Variants in TCAIM observed in about 807,000 individuals in gnomAD.
The protein encoded by TCAIM is T-cell activation inhibitor, mitochondrial.
TCAIM carries 36 observed loss-of-function variants against 58.6 expected under a neutral mutation model. That is an observed-to-expected ratio of 0.61 (90% CI 0.47 to 0.81). The LOEUF (loss-of-function observed/expected upper bound fraction) is 0.81. Ranked by LOEUF, TCAIM falls within the 30% of genes least tolerant of loss-of-function variation. TCAIM has a pLI of 0.00. For synonymous variants in TCAIM, 172 were observed against 193.6 expected (o/e 0.89, Z 0.93); for missense variants, 466 against 579.6 (o/e 0.80, Z 2.01).
At chr3:44,350,675 G>C (rs1317452072) in intron 1 of TCAIM, among the ~76,000 whole-genome samples, 1 of 152,070 alleles carries the variant, frequency 6.6e-6, no homozygotes, top group Non-Finnish European at 1.5e-5. Context: ...CAATACTCCT[G>C]CTGCAGCCTC....
chr3:44,351,449 A>G (rs1459661336), intron 1 of TCAIM, among the ~76,000 whole-genome samples: 1 of 151,936 alleles, frequency 6.6e-6, no homozygotes, highest in Non-Finnish European at 1.5e-5. Flanking sequence ...ATCAATGTGC[A>G]TGGTTTAAAA....
chr3:44,401,849 A>G (rs545839467), intron 10 of TCAIM, among the ~76,000 whole-genome samples: 52 of 151,942 alleles, frequency 3.4e-4, no homozygotes, highest in African/African-American at 1.2e-3. Flanking sequence ...CTTGGCCAAC[A>G]TGGTGAAACC....
intron 5 of TCAIM, among the ~76,000 whole-genome samples, chr3:44,378,673 T>C (rs948409892): frequency 6.6e-6 from 1 of 151,574 alleles, no homozygotes; most frequent in Non-Finnish European, 1.5e-5. Flanking sequence ...TAGCCAGGCA[T>C]GGTGGCAGGT....
At chr3:44,366,061 CAGATTTA>C (rs1160054427) in intron 4 of TCAIM, among the ~76,000 whole-genome samples, 1 of 152,198 alleles carries the variant, frequency 6.6e-6, no homozygotes, top group Non-Finnish European at 1.5e-5. Context: ...GGTGTCAACT[CAGATTTA>C]AGCCCTGGCT....
chr3:44,358,183 C>CATGATCAAT, intron 3 of TCAIM: 2 of 1,557,104 alleles, frequency 1.3e-6, no homozygotes, highest in Non-Finnish European at 1.7e-6. Flanking sequence ...CCTTTATTAT[C>CATGATCAAT]ATGATCAATC....
At position 44,407,875 on chromosome 3, in the gene TCAIM, C is replaced by A; in HGVS notation, c.*193C>A. The stretch of plus-strand genomic sequence containing the variant: ...TATATGCCAGGCGTGGTGGCTCATG[C>A]CTGCGGTCCCAGCTACTTAGGGAGG... On this transcript the variant is annotated 3_prime_UTR_variant, in exon 11 of 11. Transcript: ENST00000342649. 1 of 538,654 alleles carries A rather than the reference C, an allele frequency of 1.9e-6. No homozygotes were observed. The highest frequency in any genetic ancestry group is 3.0e-6 in the Non-Finnish European group (1 of 334,812). 33.4% of individuals were successfully genotyped at this position (538,654 alleles called of 1,614,324 possible). A position where few individuals can be genotyped will look rare whatever the true frequency, so the allele number is the denominator to read the frequency against.
chr3:44,387,524 G>A (rs1246255599), intron 5 of TCAIM, among the ~76,000 whole-genome samples: 3 of 152,216 alleles, frequency 2.0e-5, no homozygotes, highest in African/African-American at 7.2e-5. Flanking sequence ...TGGTACACCT[G>A]GTCAGCTGCA....
At position 44,346,103 on chromosome 3, in the gene TCAIM, TAAAAGTA is replaced by T. The variant is rs145354633; in HGVS notation, c.-45+7270_-45+7276del. 7.7e-3 allele frequency among the ~76,000 whole-genome samples: 1,171 copies of T among 152,296 alleles called. 14 individuals are homozygous for T. Among genetic ancestry groups the T allele is most frequent in the African/African-American group, 0.027 (1,129 of 41,556 alleles). ...CCCGAATTCTGAGAAGGGCAAGTGG[TAAAAGTA>T]TTGTCCAGTCCTTTTTAAGTTGGAG... On this transcript the variant is annotated intron_variant, in intron 1 of 10. Transcript: ENST00000342649.
At position 44,351,241 on chromosome 3, in the gene TCAIM, G is replaced by A. The variant is rs999708807; in HGVS notation, c.-44-3498G>A. 3.3e-5 allele frequency among the ~76,000 whole-genome samples: 5 copies of A among 151,488 alleles called. No individual in the cohort carries two copies. In the South Asian group the frequency reaches 8.4e-4, roughly 25 times the overall value. On this transcript the variant is annotated intron_variant, in intron 1 of 10. Coordinates refer to ENST00000342649, the MANE Select transcript of TCAIM (RefSeq NM_173826.4). ...TGACCTCAGTTGATCCACCTCCCTC[G>A]GCCTCCCAAAGTGCTGGGGACCCAA...
rs780162174 is a variant in TCAIM, at chr3:44,346,534, G to A, written c.-45+7700G>A. On this transcript the variant is annotated intron_variant, in intron 1 of 10. Transcript: ENST00000342649. ...GGGAGAGGGCCTGAACAATCCCTGAGGAGTAGTAGAATAGCAGATGGAACA... is the reference window on the plus strand; with the variant it reads ...GGGAGAGGGCCTGAACAATCCCTGAAGAGTAGTAGAATAGCAGATGGAACA... Among the ~76,000 whole-genome samples the A allele has an allele frequency of 2.6e-5, 4 of 152,282 alleles. No homozygotes were observed. The East Asian group carries it at 7.7e-4, about 29-fold the overall frequency.
rs777586346 is a variant in TCAIM at position 44,392,993 on chromosome 3, G to A, written c.695+16G>A. Reference sequence around the variant, plus strand: ...CAGATATCAGGTAAGAAAGAAGAGAGAACCTAATTTAGAAATTGAAATGAA... The same window carrying A: ...CAGATATCAGGTAAGAAAGAAGAGAAAACCTAATTTAGAAATTGAAATGAA... On this transcript the variant is annotated intron_variant, in intron 6 of 10. Coordinates refer to ENST00000342649, the MANE Select transcript of TCAIM (RefSeq NM_173826.4). 1.9e-6 allele frequency: 3 copies of A among 1,593,010 alleles called. No individual in the cohort carries two copies. Among genetic ancestry groups the A allele is most frequent in the Admixed American group, 1.8e-5 (1 of 54,646 alleles).
At position 44,367,555 on chromosome 3, in the gene TCAIM, G is replaced by C. The variant is rs1164048427; in HGVS notation, c.419G>C (p.Ser140Thr). ...SCSLSVEHIQ[S>T]LNTNMHTQPL... ...AGTTTATCTGTTGAACATATCCAAA[G>C]CTTGAATACTAATATGCATACCCAG... The change falls in exon 5 of 11, where the codon AGC becomes ACC. Residue 140 changes from serine to threonine, a missense_variant. Physicochemically the swap from Ser to Thr is moderately conservative, Grantham distance 58. Transcript: ENST00000342649. 2 of 1,614,044 alleles carry C rather than the reference G, an allele frequency of 1.2e-6. No individual in the cohort carries two copies. Among genetic ancestry groups the C allele is most frequent in the Non-Finnish European group, 8.5e-7 (1 of 1,180,010 alleles).
rs1461750153 is a variant in TCAIM, at chr3:44,407,539, G to A, written c.1348G>A (p.Val450Met). 1 of 1,613,648 alleles carries A rather than the reference G, an allele frequency of 6.2e-7. No individual in the cohort carries two copies. Among genetic ancestry groups the A allele is most frequent in the African/African-American group, 1.3e-5 (1 of 74,916 alleles). Reference protein sequence around the residue: ...KEPSISSIQMVDCCKRLLEQS... With the variant: ...KEPSISSIQMMDCCKRLLEQS... The stretch of plus-strand genomic sequence containing the variant: ...GCCCAGCATTTCTAGTATACAAATG[G>A]TGGATTGTTGTAAGAGACTTCTAGA... Residue 450 changes from valine (V) to methionine (M), a missense_variant, in exon 11 of 11, where the codon GTG (valine) becomes ATG (methionine). By Grantham distance (21) the Val-to-Met change is conservative (BLOSUM62 1). Coordinates refer to ENST00000342649, the MANE Select transcript of TCAIM (RefSeq NM_173826.4).
intron 5 of TCAIM, among the ~76,000 whole-genome samples, chr3:44,389,781 G>T (rs1271437064): frequency 6.6e-6 from 1 of 151,484 alleles, no homozygotes; most frequent in Non-Finnish European, 1.5e-5. Flanking sequence ...TCACCTAGAG[G>T]ATAAGCTTCC....
intron 5 of TCAIM, among the ~76,000 whole-genome samples, chr3:44,370,219 T>C (rs1278091659): frequency 6.6e-6 from 1 of 152,100 alleles, no homozygotes; most frequent in Non-Finnish European, 1.5e-5. Flanking sequence ...AAAAATGCCT[T>C]GGGAGGCCGA....
intron 6 of TCAIM, among the ~76,000 whole-genome samples, chr3:44,394,401 G>A (rs115981013): frequency 0.011 from 1,747 of 152,122 alleles, 38 homozygotes; most frequent in African/African-American, 0.04. Context: ...ACTAAAAATA[G>A]TAAGATCATT....
intron 5 of TCAIM, among the ~76,000 whole-genome samples, chr3:44,374,524 G>A (rs1701534672): frequency 1.3e-5 from 2 of 152,126 alleles, no homozygotes; most frequent in Admixed American, 1.3e-4. Flanking sequence ...GGGAGGCCAA[G>A]GCGGGAGGAT....
chr3:44,380,249 C>A (rs1701634016), intron 5 of TCAIM, among the ~76,000 whole-genome samples: 1 of 151,970 alleles, frequency 6.6e-6, no homozygotes, highest in Non-Finnish European at 1.5e-5. Context: ...AATCATCAAT[C>A]GTGTATTTCA....
At position 44,400,897 on chromosome 3, in the gene TCAIM, T is replaced by C. The variant is rs1256780597; in HGVS notation, c.1119-306T>C. The C allele has an allele frequency of 6.2e-6, 3 of 483,374 alleles. No individual in the cohort carries two copies. The East Asian group carries it at 1.2e-4, about 19-fold the overall frequency. The allele number at this position is 483,374 out of a possible 1,614,324, so 29.9% of individuals were successfully genotyped here. On this transcript the variant is annotated intron_variant, in intron 9 of 10. Transcript: ENST00000342649. ...TAGCCAACATTTGTGGTGTATACAC[T>C]GTTTGCCGAGCACTGTGCTGGGTAC...
Sources: gnomAD v4.1 joint callset for allele counts (sites outside exome capture counted in the v4.1 genomes callset) on GRCh38, gnomAD v4.1.1 for gene constraint, MANE v1.5 for transcripts, NCBI Gene and HGNC (gene_info 2026-07-23, HGNC 2026-07-21) for gene names.